The following CERS6 variants were observed in gnomAD, a reference collection of about 807,000 sequenced individuals.
CERS6 encodes ceramide synthase 6.
In CERS6, 26 loss-of-function variants were observed where a neutral mutation model predicts 56.8. The ratio of observed to expected loss-of-function variants is 0.46; its 90% confidence interval spans 0.34 to 0.63. CERS6 has a LOEUF of 0.63. Ranked by LOEUF, CERS6 falls within the 30% of genes least tolerant of loss-of-function variation. CERS6 has a pLI of 0.01. For synonymous variants in CERS6, 164 were observed against 173.3 expected (o/e 0.95, Z 0.42); for missense variants, 415 against 467.5 (o/e 0.89, Z 1.04).
intron 8 of CERS6, among the ~76,000 whole-genome samples, chr2:168,733,658 C>G (rs1288269829): frequency 1.3e-5 from 2 of 152,168 alleles, no homozygotes. Flanking sequence ...ATAAGCAGCT[C>G]AACTCCAGCA....
intron 1 of CERS6, among the ~76,000 whole-genome samples, chr2:168,530,307 A>G (rs1223472681): frequency 3.9e-5 from 6 of 152,246 alleles, no homozygotes; most frequent in Non-Finnish European, 7.3e-5. Flanking sequence ...AGGGGCAGAC[A>G]GTATCATTCT....
chr2:168,475,677 A>G (rs1010344737), intron 1 of CERS6, among the ~76,000 whole-genome samples: 3 of 152,198 alleles, frequency 2.0e-5, no homozygotes, highest in Non-Finnish European at 4.4e-5. Flanking sequence ...GGAAACCGTT[A>G]AGTTTACTAG....
chr2:168,600,210 C>CTCTCTCT (rs746353045), intron 3 of CERS6, among the ~76,000 whole-genome samples: 143 of 145,690 alleles, frequency 9.8e-4, no homozygotes, highest in Middle Eastern at 3.5e-3. Flanking sequence ...CTCTCTCTCT[C>CTCTCTCT]TTTTTTTTTT....
intron 4 of CERS6, among the ~76,000 whole-genome samples, chr2:168,683,928 A>C (rs189046781): frequency 6.6e-6 from 1 of 152,320 alleles, no homozygotes; most frequent in Admixed American, 6.5e-5. Flanking sequence ...TGAAAGGCTT[A>C]AGAAGCCATG....
At chr2:168,689,611 G>A (rs1686446677) in intron 4 of CERS6, among the ~76,000 whole-genome samples, 1 of 152,150 alleles carries the variant, frequency 6.6e-6, no homozygotes, top group African/African-American at 2.4e-5. Flanking sequence ...GGTCAATAAT[G>A]AACATTGATG....
Position 168,478,419 on chromosome 2 carries a change from T to G in CERS6, c.170+21801T>G, listed in dbSNP as rs576184081. Among the ~76,000 whole-genome samples the G allele has an allele frequency of 2.6e-4, 39 of 152,298 alleles. No individual in the cohort carries two copies. The South Asian group carries it at 7.9e-3, about 31-fold the overall frequency. On this transcript the variant is annotated intron_variant, in intron 1 of 9. Transcript: ENST00000305747. ...GTTCCTTGTACAGACTTTGGACCAGTATCCTGTTCCAGCTGAACTTTACAC... is the reference window on the plus strand; with the variant it reads ...GTTCCTTGTACAGACTTTGGACCAGGATCCTGTTCCAGCTGAACTTTACAC...
chr2:168,576,605 T>C (rs1683275532), intron 3 of CERS6, among the ~76,000 whole-genome samples: 1 of 152,194 alleles, frequency 6.6e-6, no homozygotes, highest in African/African-American at 2.4e-5. Context: ...TTTTGAAAAC[T>C]TATAGAGAAG....
chr2:168,692,384 A>T (rs1686527958), intron 5 of CERS6, among the ~76,000 whole-genome samples: 1 of 152,180 alleles, frequency 6.6e-6, no homozygotes, highest in Admixed American at 6.6e-5. Flanking sequence ...GAAATGTAAT[A>T]CCTACTCTTC....
chr2:168,703,572 C>CA (rs956514988), intron 6 of CERS6, among the ~76,000 whole-genome samples: 20 of 150,856 alleles, frequency 1.3e-4, no homozygotes, highest in Admixed American at 9.2e-4. Context: ...AACAAACAAA[C>CA]AAAAAAAAAG....
At chr2:168,460,876 ACAGGGTCT>A (rs1693766000) in intron 1 of CERS6, among the ~76,000 whole-genome samples, 1 of 152,192 alleles carries the variant, frequency 6.6e-6, no homozygotes, top group African/African-American at 2.4e-5. Context: ...TCAAGAAACG[ACAGGGTCT>A]CAGTTGTGTC....
intron 4 of CERS6, among the ~76,000 whole-genome samples, chr2:168,668,468 A>T (rs1404927850): frequency 2.3e-5 from 3 of 131,720 alleles, no homozygotes; most frequent in Middle Eastern, 8.3e-3. Flanking sequence ...TTTTCTGGAG[A>T]CAGAGTCTCA....
At chr2:168,502,957 T>G (rs945045093) in intron 1 of CERS6, among the ~76,000 whole-genome samples, 2 of 152,166 alleles carry the variant, frequency 1.3e-5, no homozygotes, top group Admixed American at 1.3e-4. Context: ...CTTATATGGT[T>G]TGGCTCTGTG....
In CERS6 at chr2:168,547,633, C is replaced by T; in HGVS notation, c.208C>T (p.Gln70Ter). Reference sequence around the variant, plus strand: ...ACCGTGCGCCATAGCCCTCAACATTCAGGCCAATGGACCACAAATTGCTCC... The same window carrying T: ...ACCGTGCGCCATAGCCCTCAACATTTAGGCCAATGGACCACAAATTGCTCC... ...AKPCAIALNI[Q>*]ANGPQIAPPN... Residue 70 changes from glutamine (Q) to a stop codon, truncating the protein, a stop_gained, in exon 2 of 10, where the codon CAG (glutamine) becomes TAG (stop). Transcript: ENST00000305747. LOFTEE classifies it high-confidence loss of function. 1 of 1,613,954 alleles carries T rather than the reference C, an allele frequency of 6.2e-7. No homozygotes were observed. Among genetic ancestry groups the T allele is most frequent in the Non-Finnish European group, 8.5e-7 (1 of 1,179,804 alleles).
At chr2:168,517,282 A>G (rs1694899058) in intron 1 of CERS6, among the ~76,000 whole-genome samples, 1 of 151,878 alleles carries the variant, frequency 6.6e-6, no homozygotes, top group Non-Finnish European at 1.5e-5. Context: ...ACCTGAAGTC[A>G]GGAGTTCGAC....
chr2:168,759,227 A>G (rs1344057773), intron 8 of CERS6, among the ~76,000 whole-genome samples: 1 of 152,132 alleles, frequency 6.6e-6, no homozygotes, highest in Non-Finnish European at 1.5e-5. Context: ...GCAGGATGAA[A>G]AAAGGTCAGA....
At chr2:168,607,897 T>A (rs1684091601) in intron 3 of CERS6, among the ~76,000 whole-genome samples, 2 of 152,242 alleles carry the variant, frequency 1.3e-5, no homozygotes, top group Admixed American at 1.3e-4. Context: ...CCTCAGTGTT[T>A]GCTTCTATCA....
chr2:168,767,865 C>G (rs1041998312), intron 9 of CERS6, among the ~76,000 whole-genome samples: 2 of 152,142 alleles, frequency 1.3e-5, no homozygotes, highest in African/African-American at 4.8e-5. Context: ...TAGAGAATCA[C>G]AGGAGGACCA....
chr2:168,595,049 C>A (rs1021796669), intron 3 of CERS6, among the ~76,000 whole-genome samples: 2 of 152,156 alleles, frequency 1.3e-5, no homozygotes, highest in Non-Finnish European at 2.9e-5. Flanking sequence ...GCAGCTGACT[C>A]TTAGGTACAG....
intron 3 of CERS6, among the ~76,000 whole-genome samples, chr2:168,630,463 A>G (rs2105294870): frequency 6.6e-6 from 1 of 152,320 alleles, no homozygotes; most frequent in South Asian, 2.1e-4. Flanking sequence ...ATTGTCATTT[A>G]TAGTTGTAAT....
Sources: allele counts gnomAD v4.1 joint callset (sites outside exome capture counted in the v4.1 genomes callset), GRCh38; gene constraint gnomAD v4.1.1; transcripts MANE v1.5; gene names NCBI Gene and HGNC (gene_info 2026-07-23, HGNC 2026-07-21).